Variants in SLC35G1 observed in about 807,000 individuals in gnomAD.
The protein encoded by SLC35G1 is partner of STIM1.
In SLC35G1, 10 loss-of-function variants were observed where a neutral mutation model predicts 17.1. The observed-to-expected ratio is 0.59, with a 90% CI of 0.36 to 0.99. The LOEUF (loss-of-function observed/expected upper bound fraction) is 0.99, where lower values mean the gene tolerates loss of function less well. SLC35G1 is among the 50% of genes least tolerant of loss of function. The pLI, the probability that SLC35G1 is intolerant of heterozygous loss-of-function variation, is 0.01. For missense variants in SLC35G1, 433 were observed against 468.4 expected (o/e 0.92, Z 0.70); for synonymous variants, 185 against 181.1 (o/e 1.02, Z -0.18).
Position 93,903,038 on chromosome 10 carries a change from T to G in SLC35G1, c.*1548T>G, listed in dbSNP as rs1396578659. On this transcript the variant is annotated 3_prime_UTR_variant, in exon 3 of 3. Coordinates refer to ENST00000427197, the MANE Select transcript of SLC35G1 (RefSeq NM_001134658.3). ...TGCAGAGTTGAAAGGTTATAGGCTC[T>G]TTCCTACCCTCTCATCATAATTTTT... The G allele has an allele frequency of 2.0e-5, 3 of 152,206 alleles. No homozygotes were observed. Among genetic ancestry groups the G allele is most frequent in the Non-Finnish European group, 4.4e-5 (3 of 68,036 alleles). The allele number at this position is 152,206 out of a possible 1,614,324, so 9.4% of individuals were successfully genotyped here. A position where few individuals can be genotyped will look rare whatever the true frequency, so the allele number is the denominator to read the frequency against.
intron 2 of SLC35G1, among the ~76,000 whole-genome samples, chr10:93,899,997 G>T (rs2060367510): frequency 6.6e-6 from 1 of 152,132 alleles, no homozygotes; most frequent in Non-Finnish European, 1.5e-5. Flanking sequence ...GGGTAGCCTA[G>T]ATGATAATCT....
At position 93,901,280 on chromosome 10, in the gene SLC35G1, G is replaced by C. The variant is rs1428008017; in HGVS notation, c.888G>C (p.Leu296Phe). 6.2e-7 allele frequency: 1 copy of C among 1,613,778 alleles called. No individual in the cohort carries two copies. The highest frequency in any genetic ancestry group is 1.3e-5 in the African/African-American group (1 of 74,990). ...LFLIFIGLFG[L>F]GGQIFITKAL... is the part of the protein sequence containing the mutation. ...TCATATTCATTGGGCTCTTTGGTTT[G>C]GGGGGTCAGATATTTATCACAAAAG... The change falls in exon 3 of 3, where the codon TTG (leucine) becomes TTC (phenylalanine). Residue 296 changes from leucine (L) to phenylalanine (F), a missense_variant. By Grantham distance (22) the Leu-to-Phe change is conservative. Coordinates refer to ENST00000427197, the MANE Select transcript of SLC35G1 (RefSeq NM_001134658.3).
chr10:93,907,588 G>C (rs1368306990), downstream of SLC35G1: 1 of 152,196 alleles, frequency 6.6e-6, no homozygotes, highest in African/African-American at 2.4e-5. Context: ...GTCCAAAATT[G>C]TTAAGTGAAA....
rs1024725165 is a variant in SLC35G1, at chr10:93,903,691, T to G, written c.*2201T>G. ...TGATTCTTAAACACAATGTCCAAGG[T>G]GTATACAAGGATATGTATTGTAACA... On this transcript the variant is annotated 3_prime_UTR_variant, in exon 3 of 3. Transcript: ENST00000427197. 1 of 152,236 alleles carries G rather than the reference T, an allele frequency of 6.6e-6. No homozygotes were observed. Among genetic ancestry groups the G allele is most frequent in the African/African-American group, 2.4e-5 (1 of 41,470 alleles). 9.4% of individuals were successfully genotyped at this position (152,236 alleles called of 1,614,324 possible).
chr10:93,904,558 G>A (rs917259432), downstream of SLC35G1, among the ~76,000 whole-genome samples: 1 of 152,072 alleles, frequency 6.6e-6, no homozygotes, highest in Non-Finnish European at 1.5e-5. Context: ...ACCCTCTAAG[G>A]CCTGTTAGCC....
intron 1 of SLC35G1, among the ~76,000 whole-genome samples, chr10:93,895,110 T>C (rs1336631516): frequency 2.0e-5 from 3 of 152,190 alleles, no homozygotes; most frequent in Non-Finnish European, 4.4e-5. Context: ...CAGATCTCTT[T>C]TTAGGACAGT....
At position 93,901,429 on chromosome 10, in the gene SLC35G1, T is replaced by C; in HGVS notation, c.1037T>C (p.Leu346Pro). The change falls in exon 3 of 3, where the codon CTC becomes CCC. Residue 346 changes from leucine to proline, a missense_variant. By Grantham distance (98) the Leu-to-Pro change is moderately conservative (BLOSUM62 -3). Coordinates refer to ENST00000427197, the MANE Select transcript of SLC35G1 (RefSeq NM_001134658.3). ...ACGTGGTGGACAGTGGGTGGTGCTCTCTGCGTAGTAGCCAGTAATGTTGGA... is the reference window on the plus strand; with the variant it reads ...ACGTGGTGGACAGTGGGTGGTGCTCCCTGCGTAGTAGCCAGTAATGTTGGA... Reference protein sequence around the residue: ...VPTWWTVGGALCVVASNVGAA... With the variant: ...VPTWWTVGGAPCVVASNVGAA... 1 of 1,613,158 alleles carries C rather than the reference T, an allele frequency of 6.2e-7. No homozygotes were observed. The highest frequency in any genetic ancestry group is 8.5e-7 in the Non-Finnish European group (1 of 1,179,754).
chr10:93,894,872 C>G (rs1335984585), intron 1 of SLC35G1, among the ~76,000 whole-genome samples: 1 of 152,118 alleles, frequency 6.6e-6, no homozygotes, highest in Non-Finnish European at 1.5e-5. Flanking sequence ...CAAAGTGAGG[C>G]CCAGGAAGGT....
intron 1 of SLC35G1, among the ~76,000 whole-genome samples, chr10:93,897,405 A>C (rs559976105): frequency 7.9e-5 from 12 of 152,340 alleles, no homozygotes; most frequent in Admixed American, 7.8e-4. Flanking sequence ...AAAGTCCTAG[A>C]TTGGAATGAT....
At chr10:93,895,268 GC>G (rs2060318813) in intron 1 of SLC35G1, among the ~76,000 whole-genome samples, 1 of 152,144 alleles carries the variant, frequency 6.6e-6, no homozygotes, top group Non-Finnish European at 1.5e-5. Context: ...GACTATTCTT[GC>G]TCCATTTCTG....
At chr10:93,896,659 C>T (rs1277522829) in intron 1 of SLC35G1, among the ~76,000 whole-genome samples, 1 of 152,160 alleles carries the variant, frequency 6.6e-6, no homozygotes, top group Non-Finnish European at 1.5e-5. Flanking sequence ...TGTCCCTTCC[C>T]AGTTGGAAAG....
At chr10:93,898,011 A>T (rs1460531113) in intron 1 of SLC35G1, among the ~76,000 whole-genome samples, 1 of 152,238 alleles carries the variant, frequency 6.6e-6, no homozygotes, top group Non-Finnish European at 1.5e-5. Context: ...CTCATCTTTC[A>T]TTCACTGAAT....
At position 93,901,636 on chromosome 10, in the gene SLC35G1, T is replaced by C; in HGVS notation, c.*146T>C. 1.1e-6 allele frequency: 1 copy of C among 936,948 alleles called. No individual in the cohort carries two copies. The highest frequency in any genetic ancestry group is 3.6e-5 in the Admixed American group (1 of 27,886). 58.0% of individuals were successfully genotyped at this position (936,948 alleles called of 1,614,324 possible). On this transcript the variant is annotated 3_prime_UTR_variant, in exon 3 of 3. Coordinates refer to ENST00000427197, the MANE Select transcript of SLC35G1 (RefSeq NM_001134658.3). ...AAGTACCATTTTTGAATATAGTATG[T>C]CTTTAGTTAAGAATAGCTAGTCTGT...
At chr10:93,900,636 A>T in intron 2 of SLC35G1, 116 bp from the exon 3 acceptor site, 14 of 775,832 alleles carry the variant, frequency 1.8e-5, no homozygotes, top group East Asian at 2.8e-5. Flanking sequence ...TAATTAATTT[A>T]CTATTCCCTC....
chr10:93,906,321 T>C (rs551683701), downstream of SLC35G1: 68 of 152,360 alleles, frequency 4.5e-4, no homozygotes, highest in African/African-American at 1.5e-3. Flanking sequence ...GGAGAGGAAC[T>C]GAGGCCCTGA....
downstream of SLC35G1, among the ~76,000 whole-genome samples, chr10:93,904,150 A>C (rs1589804370): frequency 6.6e-6 from 1 of 152,004 alleles, no homozygotes; most frequent in Admixed American, 6.5e-5. Flanking sequence ...CTTTCTTCTT[A>C]TTGTCTTCTT....
chr10:93,905,218 C>T (rs1013664017), downstream of SLC35G1, among the ~76,000 whole-genome samples: 27 of 152,236 alleles, frequency 1.8e-4, no homozygotes, highest in Admixed American at 1.4e-3. Flanking sequence ...CATATTTACT[C>T]TCTTGAGGGC....
downstream of SLC35G1, among the ~76,000 whole-genome samples, chr10:93,905,345 A>G (rs564529424): frequency 1.3e-5 from 2 of 152,168 alleles, no homozygotes; most frequent in South Asian, 2.1e-4. Context: ...TGAAGGTTGG[A>G]TATATGAATC....
intron 1 of SLC35G1, among the ~76,000 whole-genome samples, chr10:93,895,020 A>G (rs1310567555): frequency 2.0e-5 from 3 of 152,228 alleles, no homozygotes; most frequent in Non-Finnish European, 4.4e-5. Context: ...TCCACTGGCC[A>G]CAAGTGCTGC....
Sources: allele counts gnomAD v4.1 joint callset (sites outside exome capture counted in the v4.1 genomes callset), GRCh38; gene constraint gnomAD v4.1.1; transcripts MANE v1.5; gene names NCBI Gene and HGNC (gene_info 2026-07-23, HGNC 2026-07-21).